ESR1: variants seen among roughly 807,000 people sequenced by gnomAD.
ESR1 encodes the protein estrogen receptor.
ESR1 carries 12 observed loss-of-function variants against 52.7 expected under a neutral mutation model. The ratio of observed to expected loss-of-function variants is 0.23; its 90% CI spans 0.15 to 0.37. The LOEUF (loss-of-function observed/expected upper bound fraction) is 0.37. Ranked by LOEUF, ESR1 falls within the 10% of genes least tolerant of loss-of-function variation. ESR1 has a pLI of 1.00. For synonymous variants in ESR1, 305 were observed against 316.8 expected (o/e 0.96, Z 0.39); for missense variants, 584 against 779.7 (o/e 0.75, Z 2.99).
upstream of ESR1, among the ~76,000 whole-genome samples, chr6:151,806,530 G>GTATGTATA (rs1430574846): frequency 1.0e-5 from 1 of 96,468 alleles, no homozygotes; most frequent in Admixed American, 1.1e-4. Context: ...TCCTTAATAT[G>GTATGTATA]TATATATATA....
Position 152,088,199 on chromosome 6 carries a change from A to C in ESR1, c.1370-6186A>C, listed in dbSNP as rs575550259. Among the ~76,000 whole-genome samples the C allele has an allele frequency of 3.3e-4, 51 of 152,352 alleles. 1 individual carries two copies. The highest frequency in any genetic ancestry group is 1.2e-3 in the African/African-American group (49 of 41,592). ...CAATGCAGATGCCCAAGCTTGACTAAAGTAGGAAACATAATAAAGTAATAA... is the reference window on the plus strand; with the variant it reads ...CAATGCAGATGCCCAAGCTTGACTACAGTAGGAAACATAATAAAGTAATAA... On this transcript the variant is annotated intron_variant, in intron 6 of 7. Transcript: ENST00000206249.
chr6:151,944,806 A>G (rs1241174562), intron 4 of ESR1, among the ~76,000 whole-genome samples: 1 of 152,234 alleles, frequency 6.6e-6, no homozygotes. Context: ...AAACTATTTA[A>G]TAGTGTATGT....
chr6:151,899,551 C>T (rs1388761382), intron 3 of ESR1, among the ~76,000 whole-genome samples: 18 of 147,870 alleles, frequency 1.2e-4, no homozygotes, highest in East Asian at 2.1e-4. Flanking sequence ...CCCTCCCGGA[C>T]GGGGCGGCTG....
At chr6:152,036,977 G>A (rs1045083260) in intron 5 of ESR1, among the ~76,000 whole-genome samples, 1 of 152,164 alleles carries the variant, frequency 6.6e-6, no homozygotes, top group African/African-American at 2.4e-5. Context: ...AGAGAGCAAT[G>A]TTTTTCTAAA....
intron 6 of ESR1, among the ~76,000 whole-genome samples, chr6:152,070,296 G>T (rs1221919482): frequency 7.3e-6 from 1 of 137,158 alleles, no homozygotes. Context: ...ATTTGGAAAG[G>T]CCATAGGTGC....
intron 1 of ESR1, among the ~76,000 whole-genome samples, chr6:151,826,405 T>C (rs1197773400): frequency 2.6e-5 from 4 of 152,178 alleles, no homozygotes; most frequent in Admixed American, 1.3e-4. Context: ...TGTCTAGAAA[T>C]GAGAGGAAGC....
chr6:151,893,004 CA>C (rs1794916217), intron 3 of ESR1, among the ~76,000 whole-genome samples: 1 of 152,172 alleles, frequency 6.6e-6, no homozygotes, highest in Non-Finnish European at 1.5e-5. Context: ...GCCTGGCTAA[CA>C]TGGTGAAACC....
At chr6:151,657,769 A>C (rs1205549044) in intron 1 of ESR1, among the ~76,000 whole-genome samples, 1 of 152,194 alleles carries the variant, frequency 6.6e-6, no homozygotes, top group Non-Finnish European at 1.5e-5. Context: ...GCTTTCAAAA[A>C]TAGCTTATTG....
At chr6:152,003,191 A>G (rs2042087934) in intron 4 of ESR1, among the ~76,000 whole-genome samples, 1 of 151,894 alleles carries the variant, frequency 6.6e-6, no homozygotes, top group South Asian at 2.1e-4. Context: ...TGTGATCCCC[A>G]AGTCTCATCC....
At chr6:152,075,616 A>G (rs1017133945) in intron 6 of ESR1, among the ~76,000 whole-genome samples, 1 of 152,214 alleles carries the variant, frequency 6.6e-6, no homozygotes, top group African/African-American at 2.4e-5. Flanking sequence ...AGCCACTTCA[A>G]TTCTAGCCCA....
At chr6:151,983,314 G>A (rs2040166052) in intron 4 of ESR1, 1 of 152,154 alleles carries the variant, frequency 6.6e-6, no homozygotes, top group Non-Finnish European at 1.5e-5. Flanking sequence ...AGGAGCAACA[G>A]TAGACTTCTT....
chr6:151,999,271 T>C (rs1279429286), intron 4 of ESR1, among the ~76,000 whole-genome samples: 1 of 152,158 alleles, frequency 6.6e-6, no homozygotes, highest in Non-Finnish European at 1.5e-5. Context: ...TATTAATCTA[T>C]TTTAAGGCTT....
chr6:151,826,055 C>T (rs960643783), intron 1 of ESR1, among the ~76,000 whole-genome samples: 1 of 151,522 alleles, frequency 6.6e-6, no homozygotes, highest in African/African-American at 2.4e-5. Flanking sequence ...CCAGGTTGAG[C>T]AGAAAGCCCT....
chr6:152,060,058 T>C (rs2047425238), intron 5 of ESR1, among the ~76,000 whole-genome samples: 1 of 152,174 alleles, frequency 6.6e-6, no homozygotes. Flanking sequence ...ATGCCAAAAT[T>C]CAACTTGTGA....
chr6:151,795,195 G>A (rs796814498), intron 2 of ESR1, among the ~76,000 whole-genome samples: 7 of 152,190 alleles, frequency 4.6e-5, no homozygotes, highest in African/African-American at 1.7e-4. Context: ...AAATAAAAAT[G>A]TCTGAAAAGA....
In ESR1 at chr6:152,061,012, G is replaced by C. The variant is rs1232973770; in HGVS notation, c.1257G>C (p.Glu419Asp). The C allele has an allele frequency of 1.2e-6, 2 of 1,611,324 alleles. No individual in the cohort carries two copies. The highest frequency in any genetic ancestry group is 1.7e-5 in the Admixed American group (1 of 59,816). ...ATAGGAACCAGGGAAAATGTGTAGA[G>C]GGCATGGTGGAGATCTTCGACATGC... ...LLDRNQGKCV[E>D]GMVEIFDMLL... The change falls in exon 6 of 8, where the codon GAG becomes GAC. Residue 419 changes from glutamate (E) to aspartate (D), a missense_variant. Transcript: ENST00000206249. This position sits in a 1 kb window ranked among gnomAD's most constrained non-coding sequence, Gnocchi z 4.3.
At chr6:152,044,827 C>G (rs1407440122) in intron 5 of ESR1, among the ~76,000 whole-genome samples, 4 of 152,166 alleles carry the variant, frequency 2.6e-5, no homozygotes, top group Admixed American at 1.3e-4. Flanking sequence ...TTCCAGTCCA[C>G]TGACTCAAAT....
chr6:151,940,972 G>A (rs923372629), intron 3 of ESR1, among the ~76,000 whole-genome samples: 6 of 152,140 alleles, frequency 3.9e-5, no homozygotes, highest in African/African-American at 9.7e-5. Context: ...GTAGATTAGC[G>A]TTAGTATGAC....
At chr6:152,033,829 A>G (rs2044990620) in intron 5 of ESR1, among the ~76,000 whole-genome samples, 2 of 152,292 alleles carry the variant, frequency 1.3e-5, no homozygotes, top group South Asian at 4.1e-4. Flanking sequence ...ATGCTGCTAT[A>G]AAGACACATG....
Sources: gnomAD v4.1 joint callset for allele counts (sites outside exome capture counted in the v4.1 genomes callset) on GRCh38, gnomAD v4.1.1 for gene constraint, Gnocchi (gnomAD v3.1) non-coding constraint, MANE v1.5 for transcripts, NCBI Gene and HGNC (gene_info 2026-07-23, HGNC 2026-07-21) for gene names.